Variants in NUP210 observed in about 807,000 individuals in gnomAD.
NUP210 encodes the protein nucleoporin 210.
NUP210 carries 151 observed loss-of-function variants against 196.0 expected under a neutral mutation model. The ratio of observed to expected loss-of-function variants is 0.77; its 90% confidence interval spans 0.67 to 0.88. The LOEUF (loss-of-function observed/expected upper bound fraction) is 0.88. Ranked by LOEUF, NUP210 falls within the 40% of genes least tolerant of loss-of-function variation. The pLI, the probability that NUP210 is intolerant of heterozygous loss-of-function variation, is 0.00. For missense variants in NUP210, 2,314 were observed against 2,493.7 expected, an observed-to-expected ratio of 0.93 and a Z score of 1.53; for synonymous variants, 1,070 against 1,052.7, an observed-to-expected ratio of 1.02 and a Z score of -0.32.
intron 1 of NUP210, among the ~76,000 whole-genome samples, chr3:13,408,500 G>T (rs1358238085): frequency 6.6e-6 from 1 of 152,140 alleles, no homozygotes. Context: ...TTTATGAAAA[G>T]GTTTTTAGGC....
At chr3:13,354,264 C>A in intron 16 of NUP210, 157 bp from the exon 17 acceptor site, 1 of 645,306 alleles carries the variant, frequency 1.5e-6, no homozygotes, top group Admixed American at 2.8e-5. Context: ...ACTATTGCCA[C>A]CCACCAGGTC....
At chr3:13,375,282 C>A (rs1417386093) in intron 11 of NUP210, among the ~76,000 whole-genome samples, 2 of 151,896 alleles carry the variant, frequency 1.3e-5, no homozygotes, top group African/African-American at 4.8e-5. Context: ...AGCCACCGCA[C>A]CCTGCCTTAT....
rs1029588124 is a variant in NUP210, at chr3:13,378,929, A to G, written c.1028T>C (p.Val343Ala). 3 of 1,614,028 alleles carry G rather than the reference A, an allele frequency of 1.9e-6. No individual in the cohort carries two copies. The highest frequency in any genetic ancestry group is 2.5e-6 in the Non-Finnish European group (3 of 1,179,872). Reference protein sequence around the residue: ...SRLPNSTIYVVEPGYLGFTVH... With the variant: ...SRLPNSTIYVAEPGYLGFTVH... ...ACACTCACCTAGGTATCCAGGTTCG[A>G]CCACGTAGATAGTGCTGTTGGGTAA... The change falls in exon 8 of 40, where the codon GTC (valine) becomes GCC (alanine). Residue 343 changes from valine (V) to alanine (A), a missense_variant. Val to Ala is a moderately conservative substitution (Grantham distance 64). Coordinates refer to ENST00000254508, the MANE Select transcript of NUP210 (RefSeq NM_024923.4).
chr3:13,409,016 A>T (rs1323800442), intron 1 of NUP210, among the ~76,000 whole-genome samples: 1 of 152,032 alleles, frequency 6.6e-6, no homozygotes, highest in African/African-American at 2.4e-5. Context: ...TGTTCTGCTC[A>T]ATGTCCTCCC....
At chr3:13,402,090 AT>A (rs1699857197) in intron 1 of NUP210, among the ~76,000 whole-genome samples, 2 of 152,038 alleles carry the variant, frequency 1.3e-5, no homozygotes. Flanking sequence ...TCCCAGCTAC[AT>A]GGGAGGCTGT....
intron 3 of NUP210, 53 bp from the exon 4 acceptor site, chr3:13,391,360 G>A (rs1302906747): frequency 2.4e-6 from 3 of 1,226,938 alleles, no homozygotes; most frequent in Non-Finnish European, 2.4e-6. Context: ...TTCCCAGGGT[G>A]GAGGGAGGCG....
chr3:13,340,355 C>A lies in NUP210; in HGVS notation c.3229-57G>T. 6.9e-7 allele frequency: 1 copy of A among 1,451,108 alleles called. No homozygotes were observed. 89.9% of individuals were successfully genotyped at this position (1,451,108 alleles called of 1,614,324 possible). ...TGTGCCCCAAGCCCATGGCGCCAAGCATAACTCACACACTACATGTTTCAT... is the reference window on the plus strand; with the variant it reads ...TGTGCCCCAAGCCCATGGCGCCAAGAATAACTCACACACTACATGTTTCAT... On this transcript the variant is annotated intron_variant, in intron 23 of 39. Transcript: ENST00000254508. The surrounding 1 kb of genome is among the most constrained non-coding windows in gnomAD (Gnocchi z 4.0).
At chr3:13,385,121 TGA>T (rs1294393292) in intron 6 of NUP210, among the ~76,000 whole-genome samples, 12 of 152,328 alleles carry the variant, frequency 7.9e-5, no homozygotes, top group African/African-American at 2.9e-4. Flanking sequence ...TTTGTCCTCC[TGA>T]GAGAAAGCGT....
intron 3 of NUP210, among the ~76,000 whole-genome samples, chr3:13,393,338 C>T (rs985486502): frequency 2.6e-5 from 4 of 152,178 alleles, no homozygotes; most frequent in Non-Finnish European, 5.9e-5. Flanking sequence ...AGGGGCTGCA[C>T]GTGGAGCTCT....
Position 13,337,933 on chromosome 3 carries a change from G to A in NUP210, c.3472-16C>T, listed in dbSNP as rs1697289694. ...GCACGAGGTCCTGGGGAAACAGGGT[G>A]GCACTTAGGTGTGGGGATGCAGTGC... is the stretch of plus-strand genomic sequence containing the variant. On this transcript the variant is annotated splice_polypyrimidine_tract_variant and intron_variant, in intron 25 of 39. Coordinates refer to ENST00000254508, the MANE Select transcript of NUP210 (RefSeq NM_024923.4). 1.2e-6 allele frequency: 2 copies of A among 1,610,654 alleles called. No individual in the cohort carries two copies. The highest frequency in any genetic ancestry group is 1.7e-5 in the Admixed American group (1 of 59,802).
chr3:13,380,107 A>G (rs1402660932), intron 6 of NUP210, among the ~76,000 whole-genome samples: 1 of 152,166 alleles, frequency 6.6e-6, no homozygotes, highest in Non-Finnish European at 1.5e-5. Flanking sequence ...GGGGTTTCCC[A>G]AGAAGCTCTG....
In NUP210 at chr3:13,330,571, A is replaced by C. The variant is rs749108473; in HGVS notation, c.3999T>G (p.His1333Gln). ...ATGCTAGAAAGCCTTTCTCATCAAC[A>C]TGCACAACTGGAACCTTTTCGGGTC... ...LDGPEKVPVV[H>Q]VDEKGFLASG... Residue 1333 changes from histidine to glutamine, a missense_variant, in exon 30 of 40, where the codon CAT (histidine) becomes CAG (glutamine). Physicochemically the swap from His to Gln is conservative, Grantham distance 24. Coordinates refer to ENST00000254508, the MANE Select transcript of NUP210 (RefSeq NM_024923.4). The C allele has an allele frequency of 6.2e-7, 1 of 1,614,208 alleles. No homozygotes were observed. The highest frequency in any genetic ancestry group is 1.1e-5 in the South Asian group (1 of 91,086).
rs764264309 is a variant in NUP210, at chr3:13,351,820, A to T, written c.2835+59T>A. 1.8e-5 allele frequency: 20 copies of T among 1,114,614 alleles called. No individual in the cohort carries two copies. In the African/African-American group the frequency reaches 2.5e-4, roughly 14 times the overall value. The allele number at this position is 1,114,614 out of a possible 1,614,324, so 69.0% of individuals were successfully genotyped here. A position where few individuals can be genotyped will look rare whatever the true frequency, so the allele number is the denominator to read the frequency against. ...TTTCAAAATGATCAATCAATTAACCACACAACAGCCCAGATAAGGAATGAA... is the reference window on the plus strand; with the variant it reads ...TTTCAAAATGATCAATCAATTAACCTCACAACAGCCCAGATAAGGAATGAA... On this transcript the variant is annotated intron_variant, in intron 20 of 39. Coordinates refer to ENST00000254508, the MANE Select transcript of NUP210 (RefSeq NM_024923.4).
chr3:13,318,937 CCTCTGGGCCT>C, intron 39 of NUP210, 125 bp downstream of exon 39: 1 of 804,330 alleles, frequency 1.2e-6, no homozygotes, highest in Non-Finnish European at 1.9e-6. Flanking sequence ...CCACATCTGT[CCTCTGGGCCT>C]CAGGCTCCTT....
intron 16 of NUP210, among the ~76,000 whole-genome samples, chr3:13,357,606 C>A (rs1698225072): frequency 6.6e-6 from 1 of 152,160 alleles, no homozygotes; most frequent in Non-Finnish European, 1.5e-5. Context: ...TCCCATGTCC[C>A]TTACCCTGGA....
rs112122893 is a variant in NUP210, at chr3:13,345,104, A to G, written c.2836-1801T>C. The G allele has an allele frequency of 8.0e-4, 793 of 985,408 alleles. 7 individuals are homozygous for G. The African/African-American group carries it at 0.012, about 14-fold the overall frequency. The allele number at this position is 985,408 out of a possible 1,614,324, so 61.0% of individuals were successfully genotyped here. On this transcript the variant is annotated intron_variant, in intron 20 of 39. Coordinates refer to ENST00000254508, the MANE Select transcript of NUP210 (RefSeq NM_024923.4). ...GTACAGCCTAGCCTCCTACGAGCACATCTTGATTGGATGAAGATCCAGGGC... is the reference window on the plus strand; with the variant it reads ...GTACAGCCTAGCCTCCTACGAGCACGTCTTGATTGGATGAAGATCCAGGGC...
chr3:13,403,689 AG>A (rs1228018165), intron 1 of NUP210, among the ~76,000 whole-genome samples: 1 of 152,158 alleles, frequency 6.6e-6, no homozygotes, highest in African/African-American at 2.4e-5. Context: ...CTTGGGAGGC[AG>A]CGGGTGCTAA....
Position 13,420,119 on chromosome 3 carries a change from G to T in NUP210, c.108C>A (p.Pro36=). Residue 36 remains proline, a synonymous_variant, in exon 1 of 40, where the codon CCC becomes CCA. Coordinates refer to ENST00000254508, the MANE Select transcript of NUP210 (RefSeq NM_024923.4). This position sits in a 1 kb window ranked among gnomAD's most constrained non-coding sequence, Gnocchi z 4.8. The part of the protein sequence containing the change: ...AKLNIPKVLL[P]FTRATRVNFT... ...AGTTAACGCGCGTGGCCCGCGTGAA[G>T]GGCAGCAGCACTTTGGGGATGTTGA... The T allele has an allele frequency of 7.2e-7, 1 of 1,380,724 alleles. No individual in the cohort carries two copies. Among genetic ancestry groups the T allele is most frequent in the Non-Finnish European group, 9.6e-7 (1 of 1,046,330 alleles). 85.5% of individuals were successfully genotyped at this position (1,380,724 alleles called of 1,614,324 possible). A position where few individuals can be genotyped will look rare whatever the true frequency, so the allele number is the denominator to read the frequency against.
intron 27 of NUP210, 148 bp from the exon 28 acceptor site, chr3:13,335,760 G>A: frequency 1.1e-6 from 1 of 912,168 alleles, no homozygotes; most frequent in Non-Finnish European, 1.6e-6. Flanking sequence ...TTCCTGCCTG[G>A]GTTGGGTCTG....
Sources: gnomAD v4.1 joint callset for allele counts (sites outside exome capture counted in the v4.1 genomes callset) on GRCh38, gnomAD v4.1.1 for gene constraint, Gnocchi (gnomAD v3.1) non-coding constraint, MANE v1.5 for transcripts, NCBI Gene and HGNC (gene_info 2026-07-23, HGNC 2026-07-21) for gene names.